The following UHRF1 variants were observed in gnomAD, a reference collection of about 807,000 sequenced individuals.
The protein encoded by UHRF1 is ubiquitin like with PHD and ring finger domains 1.
In UHRF1, 9 loss-of-function variants were observed where a neutral mutation model predicts 96.5. That is an observed-to-expected ratio of 0.09 (90% confidence interval 0.06 to 0.16). The LOEUF is 0.16. Among genes scored for constraint, UHRF1 ranks in the 10% least tolerant of loss-of-function variants. The probability of loss-of-function intolerance (pLI) is 1.00; values close to 1 mark genes in which losing one functional copy is unlikely to be tolerated. For missense variants in UHRF1, 626 were observed against 1,131.1 expected, an observed-to-expected ratio of 0.55 and a Z score of 6.40; for synonymous variants, 455 against 469.9, an observed-to-expected ratio of 0.97 and a Z score of 0.41.
upstream of UHRF1, among the ~76,000 whole-genome samples, chr19:4,906,474 C>T (rs573811631): frequency 2.0e-5 from 3 of 152,284 alleles, no homozygotes; most frequent in African/African-American, 4.8e-5. Context: ...GCATGCCCAG[C>T]CAATCACAGT....
At chr19:4,922,674 C>G (rs1273108945) in intron 2 of UHRF1, among the ~76,000 whole-genome samples, 1 of 152,248 alleles carries the variant, frequency 6.6e-6, no homozygotes, top group African/African-American at 2.4e-5. Flanking sequence ...TCGGGTTGTG[C>G]AAGCTTCCTC....
intron 3 of UHRF1, 127 bp downstream of exon 3, chr19:4,929,603 C>G (rs2032986249): frequency 7.4e-7 from 1 of 1,347,212 alleles, no homozygotes. Flanking sequence ...CAGAAATGGC[C>G]AAGGGGTGGT....
upstream of UHRF1, among the ~76,000 whole-genome samples, chr19:4,906,346 C>A (rs567953401): frequency 6.6e-6 from 1 of 152,250 alleles, no homozygotes; most frequent in African/African-American, 2.4e-5. Context: ...CTGGAGCCCT[C>A]AATCAACAGT....
At chr19:4,957,583 C>T (rs1166473031) in intron 16 of UHRF1, among the ~76,000 whole-genome samples, 1 of 152,126 alleles carries the variant, frequency 6.6e-6, no homozygotes, top group Non-Finnish European at 1.5e-5. Context: ...GCTGGGATTA[C>T]AGGTGTAAGC....
At chr19:4,909,176 G>A (rs2032144845), upstream of UHRF1, 3 of 383,666 alleles carry the variant, frequency 7.8e-6, no homozygotes, top group Middle Eastern at 7.1e-4. Flanking sequence ...GCGAGTGGGG[G>A]GCTGCGAACG....
chr19:4,915,286 C>T (rs960981933), intron 2 of UHRF1, among the ~76,000 whole-genome samples: 8 of 152,228 alleles, frequency 5.3e-5, no homozygotes, highest in Admixed American at 3.3e-4. Flanking sequence ...CGGCATCCCT[C>T]CCCCAGGATG....
At chr19:4,949,116 C>T (rs1404832822) in intron 11 of UHRF1, among the ~76,000 whole-genome samples, 1 of 110,600 alleles carries the variant, frequency 9.0e-6, no homozygotes, top group Non-Finnish European at 2.1e-5. Flanking sequence ...GCCTGGGTGA[C>T]AGAGCAAAAA....
intron 5 of UHRF1, among the ~76,000 whole-genome samples, chr19:4,941,032 C>G (rs1208782167): frequency 6.8e-6 from 1 of 146,398 alleles, no homozygotes; most frequent in Non-Finnish European, 1.5e-5. Context: ...GCCAAAGGTT[C>G]AAACTCATTC....
intron 2 of UHRF1, among the ~76,000 whole-genome samples, chr19:4,917,652 CAAAAAAAAAAAAAA>C (rs754990585): frequency 2.0e-4 from 7 of 34,348 alleles, no homozygotes; most frequent in Non-Finnish European, 2.6e-4. Flanking sequence ...GACTCCGTCT[CAAAAAAAAAAAAAA>C]AAAAAAAAAA....
At chr19:4,911,062 G>A (rs1446353154) in intron 2 of UHRF1, 24 bp downstream of exon 2, 1 of 1,535,666 alleles carries the variant, frequency 6.5e-7, no homozygotes, top group Non-Finnish European at 8.8e-7. Context: ...CAGCACCTTT[G>A]TTCTATGCCT....
chr19:4,945,458 C>T (rs892454543), intron 9 of UHRF1, among the ~76,000 whole-genome samples: 21 of 151,996 alleles, frequency 1.4e-4, no homozygotes, highest in African/African-American at 4.1e-4. Context: ...GGGGTTTCAC[C>T]TTGTTGGCCA....
chr19:4,910,820 C>T lies in UHRF1; in HGVS notation c.-10-56C>T, dbSNP rs141267225. The T allele has an allele frequency of 3.4e-5, 52 of 1,531,006 alleles. 1 individual carries two copies. The African/African-American group carries it at 6.2e-4, about 18-fold the overall frequency. 94.8% of individuals were successfully genotyped at this position (1,531,006 alleles called of 1,614,324 possible). A position where few individuals can be genotyped will look rare whatever the true frequency, so the allele number is the denominator to read the frequency against. ...GCAACCCCGACTCCTTAGAGCATGG[C>T]ATGGCTCAGAGGTGCTGGTAAAACT... On this transcript the variant is annotated intron_variant, in intron 1 of 16. Transcript: ENST00000650932.
chr19:4,934,725 G>A (rs534659291), intron 5 of UHRF1, among the ~76,000 whole-genome samples: 1 of 152,288 alleles, frequency 6.6e-6, no homozygotes, highest in South Asian at 2.1e-4. Context: ...GGTACAGCAA[G>A]CACGCAGAGG....
At chr19:4,929,119 C>G in intron 2 of UHRF1, 103 bp from the exon 3 acceptor site, 1 of 1,464,414 alleles carries the variant, frequency 6.8e-7, no homozygotes, top group Non-Finnish European at 9.2e-7. Context: ...ATTGCCCCCC[C>G]CCCACAAGGG....
At position 4,954,457 on chromosome 19, in the gene UHRF1, G is replaced by A. The variant is rs370310178; in HGVS notation, c.1926G>A (p.Thr642=). ...QQEGGFASPR[T]GKGKWKRKSA... ...AGGGGGGCTTCGCGTCCCCCAGGAC[G>A]GGCAAGGGCAAGTGGAAGCGGAAGT... The change falls in exon 14 of 17, where the codon ACG becomes ACA. Residue 642 remains threonine (T), a synonymous_variant. Transcript: ENST00000650932. This position sits in a 1 kb window ranked among gnomAD's most constrained non-coding sequence, Gnocchi z 5.9. 9.9e-6 allele frequency: 16 copies of A among 1,611,930 alleles called. No homozygotes were observed. The highest frequency in any genetic ancestry group is 1.7e-5 in the Admixed American group (1 of 59,844).
chr19:4,918,715 G>GTTTT (rs536401524), intron 2 of UHRF1, among the ~76,000 whole-genome samples: 11 of 115,320 alleles, frequency 9.5e-5, no homozygotes, highest in Non-Finnish European at 1.2e-4. Flanking sequence ...TGCCCAGCTG[G>GTTTT]TTTTTTTTTT....
At chr19:4,905,917 C>A (rs1323858491), upstream of UHRF1, among the ~76,000 whole-genome samples, 2 of 152,122 alleles carry the variant, frequency 1.3e-5, no homozygotes, top group Non-Finnish European at 2.9e-5. Context: ...GACTTGTGAG[C>A]TTTTTTTCTG....
At chr19:4,956,277 G>A (rs1403800960) in intron 15 of UHRF1, among the ~76,000 whole-genome samples, 2 of 152,162 alleles carry the variant, frequency 1.3e-5, no homozygotes, top group Non-Finnish European at 2.9e-5. Context: ...GTATTGCCGG[G>A]CTGGTCTTGA....
rs754990585 is a variant in UHRF1, at chr19:4,917,652, C to CAAAAA, written c.153+6635_153+6639dup. Among the ~76,000 whole-genome samples, 27 of 34,358 alleles carry CAAAAA rather than the reference C, an allele frequency of 7.9e-4. 1 individual carries two copies. Among genetic ancestry groups the CAAAAA allele is most frequent in the Non-Finnish European group, 8.3e-4 (13 of 15,614 alleles). The allele number at this position is 34,358 out of a possible 152,430, so 22.5% of individuals were successfully genotyped here. A position where few individuals can be genotyped will look rare whatever the true frequency, so the allele number is the denominator to read the frequency against. On this transcript the variant is annotated intron_variant, in intron 2 of 16. Coordinates refer to ENST00000650932, the MANE Select transcript of UHRF1 (RefSeq NM_001048201.3). ...TTGGCAACAGAGCGAGACTCCGTCT[C>CAAAAA]AAAAAAAAAAAAAAAAAAAAAAAAA...
Sources: allele counts gnomAD v4.1 joint callset (sites outside exome capture counted in the v4.1 genomes callset), GRCh38; gene constraint gnomAD v4.1.1; non-coding constraint Gnocchi (gnomAD v3.1); transcripts MANE v1.5; gene names NCBI Gene and HGNC (gene_info 2026-07-23, HGNC 2026-07-21).